ADAMTSL1: variants seen among roughly 807,000 people sequenced by gnomAD.
ADAMTSL1 encodes the protein ADAMTS like 1.
Under a neutral mutation model 201.8 loss-of-function variants are expected in ADAMTSL1, and 126 were observed. The observed-to-expected ratio is 0.62, with a 90% CI of 0.54 to 0.72. The LOEUF (loss-of-function observed/expected upper bound fraction) is 0.72, where lower values mean the gene tolerates loss of function less well. Ranked by LOEUF, ADAMTSL1 falls within the 30% of genes least tolerant of loss-of-function variation. ADAMTSL1 has a pLI of 0.00. For missense variants in ADAMTSL1, 2,679 were observed against 2,277.8 expected, an observed-to-expected ratio of 1.18 and a Z score of -3.59; for synonymous variants, 1,121 against 903.4, an observed-to-expected ratio of 1.24 and a Z score of -4.32.
chr9:18,877,521 G>A (rs527267149), intron 23 of ADAMTSL1, among the ~76,000 whole-genome samples: 94 of 152,272 alleles, frequency 6.2e-4, no homozygotes, highest in African/African-American at 2.2e-3. Context: ...GCCATCCAGT[G>A]GAGCTACTGG....
At chr9:18,422,577 G>A (rs964591082) in intron 2 of ADAMTSL1, among the ~76,000 whole-genome samples, 4 of 152,040 alleles carry the variant, frequency 2.6e-5, no homozygotes, top group Non-Finnish European at 5.9e-5. Context: ...ATTTCACCAC[G>A]CACTGTGTGC....
At chr9:18,680,238 G>T in intron 10 of ADAMTSL1, 74 bp from the exon 11 acceptor site, 6 of 1,433,938 alleles carry the variant, frequency 4.2e-6, no homozygotes, top group African/African-American at 1.4e-5. Context: ...CATGGGGAGT[G>T]GGTTGGTGGA....
intron 23 of ADAMTSL1, among the ~76,000 whole-genome samples, chr9:18,851,215 C>T (rs1235743984): frequency 6.6e-6 from 1 of 151,766 alleles, no homozygotes; most frequent in Non-Finnish European, 1.5e-5. Flanking sequence ...CAAGGTGTGG[C>T]CCCTGACATC....
rs1308328637 is a variant in ADAMTSL1 at position 18,681,701 on chromosome 9, G to GAGGC, written c.1342-111_1342-110insAGGC. The GAGGC allele has an allele frequency of 1.1e-4, 54 of 470,130 alleles. 6 individuals are homozygous for GAGGC. The highest frequency in any genetic ancestry group is 9.2e-4 in the South Asian group (22 of 23,836). 29.1% of individuals were successfully genotyped at this position (470,130 alleles called of 1,614,324 possible). Reference sequence around the variant, plus strand: ...AATTTACCAGGAGTCCTCGTGTGGGGGGGGGGGGCGGGGAAAAAGAAAACT... The same window carrying GAGGC: ...AATTTACCAGGAGTCCTCGTGTGGGGAGGCGGGGGGGGCGGGGAAAAAGAAAACT... On this transcript the variant is annotated intron_variant, in intron 11 of 28. Coordinates refer to ENST00000380548, the MANE Select transcript of ADAMTSL1 (RefSeq NM_001040272.6).
At chr9:18,635,915 T>C (rs377131674) in intron 5 of ADAMTSL1, 28 bp from the exon 6 acceptor site, 1 of 1,586,266 alleles carries the variant, frequency 6.3e-7, no homozygotes, top group African/African-American at 1.4e-5. Flanking sequence ...GTGACATGCT[T>C]TTAAGATTTT....
chr9:18,714,670 C>G (rs1184499763), intron 14 of ADAMTSL1, among the ~76,000 whole-genome samples: 2 of 150,942 alleles, frequency 1.3e-5, no homozygotes, highest in Non-Finnish European at 3.0e-5. Context: ...ACCAGAGGTA[C>G]AAGGAGGAAC....
intron 2 of ADAMTSL1, among the ~76,000 whole-genome samples, chr9:18,370,868 A>C (rs539180170): frequency 6.6e-6 from 1 of 152,220 alleles, no homozygotes; most frequent in African/African-American, 2.4e-5. Context: ...TGTTCATCTC[A>C]AATTATAAAT....
chr9:17,947,665 T>A (rs927047527), intron 1 of ADAMTSL1, among the ~76,000 whole-genome samples: 6 of 152,124 alleles, frequency 3.9e-5, no homozygotes, highest in African/African-American at 1.4e-4. Flanking sequence ...AAGCAAATGA[T>A]TATTGGCATT....
At chr9:18,178,104 A>G (rs578148834) in intron 2 of ADAMTSL1, among the ~76,000 whole-genome samples, 3 of 152,284 alleles carry the variant, frequency 2.0e-5, no homozygotes, top group South Asian at 4.1e-4. Context: ...CTGCATTTCC[A>G]TCTGAGGTAG....
chr9:18,777,952 A>T, intron 19 of ADAMTSL1, 46 bp downstream of exon 19: 2 of 1,514,044 alleles, frequency 1.3e-6, no homozygotes, highest in Non-Finnish European at 1.8e-6. Context: ...GCAAGGGGCC[A>T]CATCTGGCCC....
chr9:18,249,098 G>A (rs752045559), intron 2 of ADAMTSL1, among the ~76,000 whole-genome samples: 4 of 152,156 alleles, frequency 2.6e-5, no homozygotes, highest in South Asian at 2.1e-4. Flanking sequence ...TCCGTGATGC[G>A]AGAGAACCTT....
chr9:18,547,895 A>C (rs1820570557), intron 3 of ADAMTSL1, among the ~76,000 whole-genome samples: 1 of 151,952 alleles, frequency 6.6e-6, no homozygotes, highest in African/African-American at 2.4e-5. Flanking sequence ...ATTGGAACAG[A>C]CAAAGACAGG....
At chr9:18,488,768 C>CTCT (rs1822124653) in intron 1 of ADAMTSL1, among the ~76,000 whole-genome samples, 1 of 152,210 alleles carries the variant, frequency 6.6e-6, no homozygotes, top group Admixed American at 6.5e-5. Flanking sequence ...AGAAACCAAC[C>CTCT]TCTTGTCTTT....
chr9:18,035,634 C>T (rs566776467), intron 1 of ADAMTSL1, among the ~76,000 whole-genome samples: 1 of 152,216 alleles, frequency 6.6e-6, no homozygotes, highest in African/African-American at 2.4e-5. Context: ...CACTCCTAAC[C>T]CCCTTTGCCC....
intron 1 of ADAMTSL1, among the ~76,000 whole-genome samples, chr9:18,048,743 A>G (rs1036594994): frequency 2.6e-5 from 4 of 152,158 alleles, no homozygotes; most frequent in African/African-American, 7.2e-5. Context: ...CGTCCTTACC[A>G]GCTTTGTTTA....
At chr9:18,711,472 A>C (rs1427297593) in intron 14 of ADAMTSL1, among the ~76,000 whole-genome samples, 1 of 152,258 alleles carries the variant, frequency 6.6e-6, no homozygotes, top group Non-Finnish European at 1.5e-5. Context: ...TCCTAGTCAA[A>C]GAAAGGGGTG....
At chr9:18,569,144 T>C (rs1822132181) in intron 3 of ADAMTSL1, among the ~76,000 whole-genome samples, 1 of 152,342 alleles carries the variant, frequency 6.6e-6, no homozygotes, top group African/African-American at 2.4e-5. Context: ...CAGTGTAATC[T>C]GATCTACTGT....
intron 1 of ADAMTSL1, among the ~76,000 whole-genome samples, chr9:17,957,524 C>G (rs1018409190): frequency 3.3e-5 from 5 of 152,144 alleles, no homozygotes; most frequent in African/African-American, 4.8e-5. Context: ...TCACATTAGC[C>G]TAATTTTTGC....
At chr9:18,257,873 T>C (rs1016031119) in intron 2 of ADAMTSL1, among the ~76,000 whole-genome samples, 1 of 152,198 alleles carries the variant, frequency 6.6e-6, no homozygotes, top group Non-Finnish European at 1.5e-5. Flanking sequence ...TAAGGACAAA[T>C]ACTATGTGAT....
Sources: allele counts gnomAD v4.1 joint callset (sites outside exome capture counted in the v4.1 genomes callset), GRCh38; gene constraint gnomAD v4.1.1; transcripts MANE v1.5; gene names NCBI Gene and HGNC (gene_info 2026-07-23, HGNC 2026-07-21).